The following MAPK14 variants were observed in gnomAD, a reference collection of about 807,000 sequenced individuals.
MAPK14 encodes CSAID-binding protein.
In MAPK14, 16 loss-of-function variants were observed where a neutral mutation model predicts 49.6. The observed-to-expected ratio is 0.32, with a 90% CI of 0.22 to 0.49. MAPK14 has a LOEUF of 0.49. Ranked by LOEUF, MAPK14 falls within the 20% of genes least tolerant of loss-of-function variation. The pLI is 0.99. For missense variants in MAPK14, 200 were observed against 441.2 expected, an observed-to-expected ratio of 0.45 and a Z score of 4.90; for synonymous variants, 142 against 158.0, an observed-to-expected ratio of 0.90 and a Z score of 0.76.
chr6:36,055,413 T>C (rs1325650163), intron 2 of MAPK14, among the ~76,000 whole-genome samples: 2 of 152,224 alleles, frequency 1.3e-5, no homozygotes, highest in Admixed American at 6.5e-5. Flanking sequence ...AGTATTTTTT[T>C]TTGGATGTGT....
At position 36,107,239 on chromosome 6, in the gene MAPK14, A is replaced by G. The variant is rs929182645; in HGVS notation, c.842-216A>G. On this transcript the variant is annotated intron_variant, in intron 10 of 11. Transcript: ENST00000229794. The surrounding 1 kb of genome is among the most constrained non-coding windows in gnomAD (Gnocchi z 4.3). ...TGTACCCCCAAATCAAAAATAAAATAAAAAAATTTTAAAACATAGAAAATA... is the reference window on the plus strand; with the variant it reads ...TGTACCCCCAAATCAAAAATAAAATGAAAAAATTTTAAAACATAGAAAATA... Among the ~76,000 whole-genome samples the G allele has an allele frequency of 6.8e-6, 1 of 148,144 alleles. No individual in the cohort carries two copies. The highest frequency in any genetic ancestry group is 6.9e-5 in the Admixed American group (1 of 14,522).
At chr6:36,035,965 TG>T (rs775025447) in intron 1 of MAPK14, among the ~76,000 whole-genome samples, 13 of 152,294 alleles carry the variant, frequency 8.5e-5, no homozygotes, top group Non-Finnish European at 1.6e-4. Context: ...GGCTAACACC[TG>T]TAATTTCAGC....
chr6:36,078,215 A>G lies in MAPK14; in HGVS notation c.682+1607A>G, dbSNP rs910625732. Among the ~76,000 whole-genome samples the G allele has an allele frequency of 5.3e-5, 8 of 152,320 alleles. No homozygotes were observed. The East Asian group carries it at 1.2e-3, about 22-fold the overall frequency. On this transcript the variant is annotated intron_variant, in intron 8 of 11. Transcript: ENST00000229794. ...TTTCTCTCAGTTTCCTTAACCGTAAAATGATAATAATCATACATACTCACA... is the reference window on the plus strand; with the variant it reads ...TTTCTCTCAGTTTCCTTAACCGTAAGATGATAATAATCATACATACTCACA...
At chr6:36,068,574 G>GTTT (rs1466517093) in intron 3 of MAPK14, among the ~76,000 whole-genome samples, 1 of 152,000 alleles carries the variant, frequency 6.6e-6, no homozygotes, top group Admixed American at 6.6e-5. Context: ...GGAATAAATG[G>GTTT]GTTTTTTTGT....
intron 8 of MAPK14, among the ~76,000 whole-genome samples, chr6:36,086,220 C>T (rs1764980799): frequency 6.6e-6 from 1 of 152,130 alleles, no homozygotes; most frequent in Non-Finnish European, 1.5e-5. Context: ...CTCAAATTGA[C>T]ACCCTAACAT....
downstream of MAPK14, among the ~76,000 whole-genome samples, chr6:36,112,095 A>G (rs1765984510): frequency 6.6e-6 from 1 of 152,056 alleles, no homozygotes; most frequent in Non-Finnish European, 1.5e-5. Flanking sequence ...AATCCCAGCT[A>G]TTCAGGAGGC....
chr6:36,087,217 T>A (rs1765020612), intron 8 of MAPK14, among the ~76,000 whole-genome samples: 1 of 151,670 alleles, frequency 6.6e-6, no homozygotes, highest in Non-Finnish European at 1.5e-5. Context: ...AGTATTCCCC[T>A]TCAAAACTGG....
At chr6:36,045,357 T>G (rs1581743608) in intron 1 of MAPK14, among the ~76,000 whole-genome samples, 1 of 152,192 alleles carries the variant, frequency 6.6e-6, no homozygotes, top group Non-Finnish European at 1.5e-5. Context: ...CCTGGTTTAT[T>G]ACAGGAATAA....
chr6:36,089,235 G>C (rs1765119490), intron 8 of MAPK14, among the ~76,000 whole-genome samples: 1 of 152,174 alleles, frequency 6.6e-6, no homozygotes, highest in Non-Finnish European at 1.5e-5. Flanking sequence ...AAAAATGAAT[G>C]AGATTGTGCC....
At chr6:36,091,844 C>CTTTTTTTTTTTTTTTTTCTTTTTT (rs1185804651) in intron 8 of MAPK14, 1 of 124,850 alleles carries the variant, frequency 8.0e-6, no homozygotes, top group South Asian at 1.8e-4. Context: ...CTTTTCTTTT[C>CTTTTTTTTTTTTTTTTTCTTTTTT]TTTTTTTTTT....
chr6:36,036,045 G>A (rs112272069), intron 1 of MAPK14, among the ~76,000 whole-genome samples: 3,658 of 152,144 alleles, frequency 0.024, 85 homozygotes, highest in South Asian at 0.13. Flanking sequence ...CCAACATGGC[G>A]AAACTCTGCC....
intron 1 of MAPK14, among the ~76,000 whole-genome samples, chr6:36,029,943 A>G (rs1246177760): frequency 7.9e-6 from 1 of 126,058 alleles, no homozygotes; most frequent in African/African-American, 3.5e-5. Flanking sequence ...ATATACATTC[A>G]GTATATACAT....
chr6:36,039,012 A>G (rs755920678), intron 1 of MAPK14, among the ~76,000 whole-genome samples: 3 of 152,094 alleles, frequency 2.0e-5, no homozygotes, highest in Non-Finnish European at 4.4e-5. Flanking sequence ...TTTCCCCATT[A>G]TAATACTTTT....
chr6:36,108,024 C>T (rs755918027), intron 11 of MAPK14, among the ~76,000 whole-genome samples: 14 of 152,102 alleles, frequency 9.2e-5, no homozygotes, highest in Non-Finnish European at 1.6e-4. Context: ...GTGTCCAGTC[C>T]CATATTCTTT....
At chr6:36,098,003 C>T (rs910034340) in intron 9 of MAPK14, 1 of 150,634 alleles carries the variant, frequency 6.6e-6, no homozygotes, top group Admixed American at 6.6e-5. Context: ...ATTTGATGTT[C>T]GTGACACGGC....
intron 1 of MAPK14, among the ~76,000 whole-genome samples, chr6:36,049,083 A>G (rs1293583941): frequency 6.6e-6 from 1 of 152,110 alleles, no homozygotes; most frequent in Non-Finnish European, 1.5e-5. Flanking sequence ...TATTTAGAGA[A>G]AGTGGTGACT....
At chr6:36,044,642 A>G (rs1763101480) in intron 1 of MAPK14, among the ~76,000 whole-genome samples, 2 of 151,580 alleles carry the variant, frequency 1.3e-5, no homozygotes, top group South Asian at 4.2e-4. Flanking sequence ...TGAGAGGCTG[A>G]GGTGGGAGGA....
intron 10 of MAPK14, among the ~76,000 whole-genome samples, chr6:36,105,245 GA>G (rs1765766310): frequency 1.3e-5 from 2 of 151,936 alleles, no homozygotes; most frequent in Non-Finnish European, 2.9e-5. Context: ...TATCTGTCAA[GA>G]TTTTTTTTTT....
At chr6:36,116,130 C>A (rs993890617), downstream of MAPK14, among the ~76,000 whole-genome samples, 2 of 151,860 alleles carry the variant, frequency 1.3e-5, no homozygotes, top group African/African-American at 2.4e-5. Context: ...AAAGTAAATT[C>A]TCAGGCATAG....
Sources: gnomAD v4.1 joint callset for allele counts (sites outside exome capture counted in the v4.1 genomes callset) on GRCh38, gnomAD v4.1.1 for gene constraint, Gnocchi (gnomAD v3.1) non-coding constraint, MANE v1.5 for transcripts, NCBI Gene and HGNC (gene_info 2026-07-23, HGNC 2026-07-21) for gene names.